Variants in NLGN1 observed in about 807,000 individuals in gnomAD.
NLGN1 encodes neuroligin 1.
Under a neutral mutation model 65.5 loss-of-function variants are expected in NLGN1, and 12 were observed. The ratio of observed to expected loss-of-function variants is 0.18; its 90% CI spans 0.12 to 0.30. NLGN1 has a LOEUF of 0.30. Among genes scored for constraint, NLGN1 ranks in the 10% least tolerant of loss-of-function variants. The pLI, the probability that NLGN1 is intolerant of heterozygous loss-of-function variation, is 1.00. For missense variants in NLGN1, 750 were observed against 1,007.1 expected, an observed-to-expected ratio of 0.74 and a Z score of 3.46; for synonymous variants, 350 against 359.5, an observed-to-expected ratio of 0.97 and a Z score of 0.30.
chr3:173,443,780 T>C (rs982729872), intron 2 of NLGN1, among the ~76,000 whole-genome samples: 2 of 152,200 alleles, frequency 1.3e-5, no homozygotes, highest in African/African-American at 4.8e-5. Context: ...CCCATAACCG[T>C]TAATATTGAA....
In NLGN1 at chr3:174,279,690, GT is replaced by G; in HGVS notation, c.1649+42del. 1 of 1,253,072 alleles carries G rather than the reference GT, an allele frequency of 8.0e-7. No homozygotes were observed. The highest frequency in any genetic ancestry group is 1.1e-6 in the Non-Finnish European group (1 of 896,818). The allele number at this position is 1,253,072 out of a possible 1,614,324, so 77.6% of individuals were successfully genotyped here. On this transcript the variant is annotated intron_variant, in intron 6 of 6. Transcript: ENST00000457714. This position sits in a 1 kb window ranked among gnomAD's most constrained non-coding sequence, Gnocchi z 4.7. Reference sequence around the variant, plus strand: ...AATGAAGTTTATTTTTAATAAAAATGTTATTTTAACCATTTTAAAATAATAG... The same window carrying G: ...AATGAAGTTTATTTTTAATAAAAATGTATTTTAACCATTTTAAAATAATAG...
chr3:174,062,304 A>G (rs1028004137), intron 4 of NLGN1, among the ~76,000 whole-genome samples: 2 of 152,250 alleles, frequency 1.3e-5, no homozygotes, highest in Admixed American at 6.5e-5. Context: ...TTTTGGTATT[A>G]AGGCACATAA....
chr3:173,786,130 A>AT (rs907757253), intron 3 of NLGN1, among the ~76,000 whole-genome samples: 6 of 152,028 alleles, frequency 3.9e-5, no homozygotes, highest in East Asian at 1.9e-4. Context: ...CTCCCTAGGT[A>AT]TTTTTTTTAT....
intron 4 of NLGN1, among the ~76,000 whole-genome samples, chr3:174,260,439 CGAT>C (rs1746672138): frequency 6.6e-6 from 1 of 150,982 alleles, no homozygotes; most frequent in Non-Finnish European, 1.5e-5. Context: ...TGGCCAGTGA[CGAT>C]GAGCATTTTT....
At chr3:173,939,679 A>G (rs760469017) in intron 4 of NLGN1, among the ~76,000 whole-genome samples, 1 of 152,192 alleles carries the variant, frequency 6.6e-6, no homozygotes, top group Non-Finnish European at 1.5e-5. Flanking sequence ...TAATAATATT[A>G]AAAATGAAAA....
chr3:174,178,645 G>C (rs988309040), intron 4 of NLGN1, among the ~76,000 whole-genome samples: 18 of 152,000 alleles, frequency 1.2e-4, no homozygotes, highest in African/African-American at 4.3e-4. Flanking sequence ...GTGGACACAG[G>C]AGTACCTTCA....
intron 2 of NLGN1, among the ~76,000 whole-genome samples, chr3:173,490,013 C>A (rs807156): frequency 0.84 from 127,379 of 152,012 alleles, 53,503 homozygotes; most frequent in East Asian, 0.97. Context: ...AGGTTGCAAA[C>A]ATTTTCTCCC....
chr3:173,617,200 A>G (rs994054093), intron 3 of NLGN1, among the ~76,000 whole-genome samples: 6 of 152,008 alleles, frequency 3.9e-5, no homozygotes, highest in African/African-American at 1.5e-4. Flanking sequence ...TATCAAGATA[A>G]CCCTACCCTT....
intron 4 of NLGN1, among the ~76,000 whole-genome samples, chr3:174,082,592 A>G (rs1387244235): frequency 2.0e-5 from 3 of 151,940 alleles, no homozygotes; most frequent in African/African-American, 7.2e-5. Flanking sequence ...TATATACAAT[A>G]GTAAAAGAAT....
At chr3:173,926,766 G>A (rs1473783098) in intron 4 of NLGN1, among the ~76,000 whole-genome samples, 1 of 152,170 alleles carries the variant, frequency 6.6e-6, no homozygotes, top group African/African-American at 2.4e-5. Flanking sequence ...CTCTGTTTGC[G>A]AGTGGGTGGG....
At chr3:173,626,897 A>G (rs1754905332) in intron 3 of NLGN1, among the ~76,000 whole-genome samples, 1 of 152,136 alleles carries the variant, frequency 6.6e-6, no homozygotes, top group Non-Finnish European at 1.5e-5. Context: ...TTGGAAAAAT[A>G]GCTGTTGTAA....
chr3:173,761,415 G>A (rs145650363), intron 3 of NLGN1, among the ~76,000 whole-genome samples: 5 of 152,034 alleles, frequency 3.3e-5, no homozygotes, highest in Admixed American at 6.6e-5. Flanking sequence ...TGGACATGGA[G>A]TCGATGGGTA....
chr3:173,677,810 C>T (rs1763380580), intron 3 of NLGN1, among the ~76,000 whole-genome samples: 1 of 152,030 alleles, frequency 6.6e-6, no homozygotes, highest in African/African-American at 2.4e-5. Flanking sequence ...GTATTAATGT[C>T]TACATTAGGT....
intron 2 of NLGN1, among the ~76,000 whole-genome samples, chr3:173,535,964 A>G (rs1198319024): frequency 2.0e-5 from 3 of 152,236 alleles, no homozygotes; most frequent in African/African-American, 7.2e-5. Context: ...GTCATGTGAT[A>G]AAACAAGAGA....
intron 4 of NLGN1, among the ~76,000 whole-genome samples, chr3:173,835,242 T>G (rs1286372911): frequency 1.3e-5 from 2 of 152,172 alleles, no homozygotes; most frequent in Non-Finnish European, 2.9e-5. Context: ...TTTTCTGGAC[T>G]TTGATATATC....
chr3:174,173,631 C>T (rs1193413066), intron 4 of NLGN1, among the ~76,000 whole-genome samples: 2 of 151,912 alleles, frequency 1.3e-5, no homozygotes, highest in Admixed American at 6.6e-5. Flanking sequence ...GATTGATTTA[C>T]ATATGTTGAA....
intron 4 of NLGN1, among the ~76,000 whole-genome samples, chr3:173,886,039 C>T (rs1734269564): frequency 6.6e-6 from 1 of 152,040 alleles, no homozygotes; most frequent in Non-Finnish European, 1.5e-5. Context: ...ACCGTCATAT[C>T]CCAAACACCT....
intron 4 of NLGN1, among the ~76,000 whole-genome samples, chr3:173,882,017 G>A (rs1487778630): frequency 6.6e-6 from 1 of 152,092 alleles, no homozygotes; most frequent in Non-Finnish European, 1.5e-5. Context: ...TGATCCATGG[G>A]CTGCAGAATG....
At chr3:174,266,481 C>A (rs192261015) in intron 4 of NLGN1, among the ~76,000 whole-genome samples, 1 of 152,176 alleles carries the variant, frequency 6.6e-6, no homozygotes, top group East Asian at 1.9e-4. Flanking sequence ...ATGTTGATTC[C>A]ATGTCTTTGC....
Sources: allele counts gnomAD v4.1 joint callset (sites outside exome capture counted in the v4.1 genomes callset), GRCh38; gene constraint gnomAD v4.1.1; non-coding constraint Gnocchi (gnomAD v3.1); transcripts MANE v1.5; gene names NCBI Gene and HGNC (gene_info 2026-07-23, HGNC 2026-07-21).